The following DZIP3 variants were observed in gnomAD, a reference collection of about 807,000 sequenced individuals.
The protein encoded by DZIP3 is DAZ interacting zinc finger protein 3.
DZIP3 carries 118 observed loss-of-function variants against 162.0 expected under a neutral mutation model. The observed-to-expected ratio is 0.73, with a 90% CI of 0.63 to 0.85. DZIP3 has a LOEUF of 0.85. Ranked by LOEUF, DZIP3 falls within the 40% of genes least tolerant of loss-of-function variation. The pLI is 0.00. For synonymous variants in DZIP3, 438 were observed against 458.6 expected (o/e 0.96, Z 0.57); for missense variants, 1,331 against 1,407.0 (o/e 0.95, Z 0.86).
intron 10 of DZIP3, among the ~76,000 whole-genome samples, chr3:108,636,047 A>G (rs1166374624): frequency 1.3e-5 from 2 of 151,948 alleles, no homozygotes; most frequent in African/African-American, 4.8e-5. Flanking sequence ...TTTTGTAAGA[A>G]TTAACAGATA....
rs76539480 is a variant in DZIP3 at position 108,636,177 on chromosome 3, T to A, written c.919-439T>A. Among the ~76,000 whole-genome samples, 1,043 of 152,086 alleles carry A rather than the reference T, an allele frequency of 6.9e-3. 5 individuals carry two copies. Among genetic ancestry groups the A allele is most frequent in the African/African-American group, 0.024 (983 of 41,544 alleles). On this transcript the variant is annotated intron_variant, in intron 10 of 32. Coordinates refer to ENST00000361582, the MANE Select transcript of DZIP3 (RefSeq NM_014648.4). ...TGTAGGGGCAATTAATATTACTGAA[T>A]TTTAGAAAGAGAAGTAAAAGAAAAA... is the stretch of plus-strand genomic sequence containing the variant.
chr3:108,602,938 A>G (rs1396418167), intron 1 of DZIP3: 1 of 152,202 alleles, frequency 6.6e-6, no homozygotes, highest in East Asian at 1.9e-4. Context: ...AAAAAGCCCT[A>G]GCCTTTCTTA....
chr3:108,626,118 T>G (rs961075110), intron 7 of DZIP3, 149 bp downstream of exon 7: 5 of 919,014 alleles, frequency 5.4e-6, no homozygotes, highest in African/African-American at 5.1e-5. Flanking sequence ...AGATAATTTC[T>G]TTAATGTAGT....
intron 1 of DZIP3, among the ~76,000 whole-genome samples, chr3:108,597,666 C>G (rs934917744): frequency 6.6e-6 from 1 of 152,106 alleles, no homozygotes; most frequent in Non-Finnish European, 1.5e-5. Flanking sequence ...AAATGTGAAG[C>G]TGTTTTCGAA....
intron 10 of DZIP3, 116 bp downstream of exon 10, chr3:108,635,088 CCTT>C (rs1035504986): frequency 1.7e-6 from 1 of 582,544 alleles, no homozygotes; most frequent in Non-Finnish European, 3.0e-6. Context: ...TTTACTTCCT[CCTT>C]TTTTTCTTTT....
chr3:108,628,057 T>G (rs1184895279), intron 7 of DZIP3, among the ~76,000 whole-genome samples: 4 of 152,124 alleles, frequency 2.6e-5, no homozygotes, highest in African/African-American at 9.6e-5. Flanking sequence ...TTTTGTATTT[T>G]TAGTAGAGAT....
chr3:108,607,162 G>A (rs1940426197), intron 2 of DZIP3, among the ~76,000 whole-genome samples: 1 of 152,114 alleles, frequency 6.6e-6, no homozygotes, highest in South Asian at 2.1e-4. Flanking sequence ...ATCATATTGT[G>A]AAATGTTGGC....
intron 21 of DZIP3, among the ~76,000 whole-genome samples, chr3:108,666,519 A>G (rs896461892): frequency 3.9e-5 from 6 of 152,196 alleles, no homozygotes; most frequent in East Asian, 1.9e-4. Flanking sequence ...GAAGACCTCA[A>G]TAACCACCAT....
chr3:108,635,304 T>C, intron 10 of DZIP3: 1 of 237,834 alleles, frequency 4.2e-6, no homozygotes, highest in South Asian at 6.4e-5. Flanking sequence ...GTTGCATATA[T>C]GCACATAGGA....
chr3:108,623,219 T>A (rs1436550528), intron 5 of DZIP3, among the ~76,000 whole-genome samples: 1 of 152,024 alleles, frequency 6.6e-6, no homozygotes, highest in Non-Finnish European at 1.5e-5. Context: ...CTTTTCCCTC[T>A]GCCTTTCTCA....
At chr3:108,663,418 T>C (rs1028124225) in intron 21 of DZIP3, among the ~76,000 whole-genome samples, 1 of 151,842 alleles carries the variant, frequency 6.6e-6, no homozygotes, top group Non-Finnish European at 1.5e-5. Flanking sequence ...TAGCCAGGCA[T>C]GGTGGCGCAT....
At chr3:108,657,340 TC>T (rs1393856388) in intron 19 of DZIP3, among the ~76,000 whole-genome samples, 2 of 152,154 alleles carry the variant, frequency 1.3e-5, no homozygotes, top group African/African-American at 4.8e-5. Context: ...TATTCAACAT[TC>T]TTAAAGAAAA....
intron 19 of DZIP3, among the ~76,000 whole-genome samples, chr3:108,657,029 G>A (rs1943160768): frequency 6.6e-6 from 1 of 152,154 alleles, no homozygotes; most frequent in Admixed American, 6.5e-5. Context: ...GAAAGTGATG[G>A]GGAGAATGCA....
At chr3:108,658,386 G>A (rs1222785930) in intron 19 of DZIP3, among the ~76,000 whole-genome samples, 1 of 151,690 alleles carries the variant, frequency 6.6e-6, no homozygotes, top group Admixed American at 6.6e-5. Flanking sequence ...GCTCCTGAAT[G>A]ACTACTGGGT....
At chr3:108,668,508 C>G (rs1448031082) in intron 21 of DZIP3, among the ~76,000 whole-genome samples, 2 of 151,910 alleles carry the variant, frequency 1.3e-5, no homozygotes, top group Non-Finnish European at 2.9e-5. Flanking sequence ...ATTGCCCACT[C>G]TAAACTAGAG....
At chr3:108,609,657 A>G (rs1195814854) in intron 3 of DZIP3, among the ~76,000 whole-genome samples, 1 of 152,132 alleles carries the variant, frequency 6.6e-6, no homozygotes, top group East Asian at 1.9e-4. Context: ...CCTTTACAAT[A>G]TGGCAAAACA....
intron 5 of DZIP3, among the ~76,000 whole-genome samples, chr3:108,621,607 A>G (rs1388122476): frequency 2.6e-5 from 4 of 152,222 alleles, no homozygotes; most frequent in Non-Finnish European, 5.9e-5. Context: ...ACAGGCAATA[A>G]CAAATGCTGG....
intron 12 of DZIP3, among the ~76,000 whole-genome samples, chr3:108,638,227 T>G (rs1021321720): frequency 9.9e-5 from 15 of 152,224 alleles, no homozygotes; most frequent in African/African-American, 3.4e-4. Context: ...TCAAAAATAT[T>G]TATAATCCAG....
chr3:108,600,187 C>T (rs1045319441), intron 1 of DZIP3, among the ~76,000 whole-genome samples: 15 of 152,144 alleles, frequency 9.9e-5, no homozygotes, highest in African/African-American at 3.6e-4. Flanking sequence ...GAAATGATAA[C>T]TAGCAGTGTC....
Sources: allele counts gnomAD v4.1 joint callset (sites outside exome capture counted in the v4.1 genomes callset), GRCh38; gene constraint gnomAD v4.1.1; transcripts MANE v1.5; gene names NCBI Gene and HGNC (gene_info 2026-07-23, HGNC 2026-07-21).